The following LRP12 variants were observed in gnomAD, a reference collection of about 807,000 sequenced individuals.
The protein encoded by LRP12 is low-density lipoprotein receptor-related protein 12.
A neutral mutation model predicts 66.0 loss-of-function variants in LRP12; 14 were observed. The ratio of observed to expected loss-of-function variants is 0.21; its 90% confidence interval spans 0.14 to 0.33. The LOEUF is 0.33. Ranked by LOEUF, LRP12 falls within the 10% of genes least tolerant of loss-of-function variation. LRP12 has a pLI of 1.00. For missense variants in LRP12, 889 were observed against 1,053.4 expected (o/e 0.84, Z 2.16); for synonymous variants, 357 against 359.1 (o/e 0.99, Z 0.07).
chr8:104,577,675 G>A (rs181997757), intron 1 of LRP12, among the ~76,000 whole-genome samples: 38 of 152,122 alleles, frequency 2.5e-4, no homozygotes, highest in Middle Eastern at 6.8e-3. Context: ...GCTGGGCGTG[G>A]TGGTGGGCAC....
chr8:104,561,221 C>T (rs1811902372), intron 1 of LRP12, among the ~76,000 whole-genome samples: 1 of 152,208 alleles, frequency 6.6e-6, no homozygotes, highest in Non-Finnish European at 1.5e-5. Context: ...AACCCTGCTA[C>T]AGAAGCTTGA....
chr8:104,531,845 GGC>G (rs1359112874), intron 2 of LRP12, 60 bp downstream of exon 2: 18 of 1,041,412 alleles, frequency 1.7e-5, no homozygotes, highest in Non-Finnish European at 2.3e-5. Flanking sequence ...GATACCAGGT[GGC>G]TTTCAATATT....
chr8:104,517,930 A>G (rs544164465), intron 2 of LRP12, among the ~76,000 whole-genome samples: 1 of 152,288 alleles, frequency 6.6e-6, no homozygotes, highest in South Asian at 2.1e-4. Context: ...TAACAAGTGA[A>G]TCATTCAATA....
intron 1 of LRP12, among the ~76,000 whole-genome samples, chr8:104,555,326 A>G (rs1031506457): frequency 6.6e-6 from 1 of 152,192 alleles, no homozygotes; most frequent in Non-Finnish European, 1.5e-5. Context: ...TTTCAATACC[A>G]ACATCGAAGG....
chr8:104,503,495 G>T (rs1810862288), intron 3 of LRP12, among the ~76,000 whole-genome samples: 1 of 151,902 alleles, frequency 6.6e-6, no homozygotes, highest in Admixed American at 6.6e-5. Flanking sequence ...ATGCTTCATA[G>T]TACTTTGTGT....
At chr8:104,539,078 T>C (rs570461846) in intron 1 of LRP12, among the ~76,000 whole-genome samples, 1 of 152,186 alleles carries the variant, frequency 6.6e-6, no homozygotes, top group South Asian at 2.1e-4. Context: ...AGTCCACAGA[T>C]TGAAAAAGGC....
At chr8:104,579,100 T>C (rs944437811) in intron 1 of LRP12, among the ~76,000 whole-genome samples, 2 of 151,818 alleles carry the variant, frequency 1.3e-5, no homozygotes, top group Non-Finnish European at 2.9e-5. Context: ...GCAAAAGAAA[T>C]AAATAAAGCG....
rs1289932630 is a variant in LRP12, at chr8:104,489,245, T to C, written c.*1428A>G. On this transcript the variant is annotated 3_prime_UTR_variant, in exon 7 of 7. Transcript: ENST00000276654. ...TAAAGAACAGCTTTGATTTAAAAAG[T>C]ACCTCAAGGCAATAAAAAAAATCAT... 6.6e-6 allele frequency: 1 copy of C among 152,534 alleles called. No individual in the cohort carries two copies. The highest frequency in any genetic ancestry group is 1.5e-5 in the Non-Finnish European group (1 of 67,970). 9.4% of individuals were successfully genotyped at this position (152,534 alleles called of 1,614,324 possible).
At chr8:104,568,349 C>T (rs1812035054) in intron 1 of LRP12, among the ~76,000 whole-genome samples, 1 of 151,954 alleles carries the variant, frequency 6.6e-6, no homozygotes, top group African/African-American at 2.4e-5. Flanking sequence ...CAGAGTAAAC[C>T]CCTATGACCT....
In LRP12 at chr8:104,499,486, C is replaced by T. The variant is rs765259259; in HGVS notation, c.306G>A (p.Arg102=). ...CTATTGTCAACCAGTCCAAATTGCA[C>T]CTTCTGGATCCTTGAATATCAAAAT... The part of the protein sequence containing the change: ...FQDFDIQGSR[R]CNLDWLTIET... The change falls in exon 4 of 7, where the codon AGG becomes AGA. Residue 102 remains arginine, a synonymous_variant. Transcript: ENST00000276654. The T allele has an allele frequency of 1.9e-6, 3 of 1,604,748 alleles. No homozygotes were observed. The highest frequency in any genetic ancestry group is 1.3e-5 in the African/African-American group (1 of 74,350).
In LRP12 at chr8:104,548,183, AAT is replaced by A. The variant is rs1488264048; in HGVS notation, c.80-16222_80-16221del. ...AATTATTATATATAATATAATATAT[AAT>A]ATATATATAAATATATGATATATTT... On this transcript the variant is annotated intron_variant, in intron 1 of 6. Coordinates refer to ENST00000276654, the MANE Select transcript of LRP12 (RefSeq NM_013437.5). Among the ~76,000 whole-genome samples the A allele has an allele frequency of 1.7e-3, 159 of 95,556 alleles. 3 individuals are homozygous for A. The highest frequency in any genetic ancestry group is 8.9e-3 in the East Asian group (35 of 3,946). 62.7% of individuals were successfully genotyped at this position (95,556 alleles called of 152,430 possible).
chr8:104,526,152 C>T (rs1021578647), intron 2 of LRP12, among the ~76,000 whole-genome samples: 11 of 151,952 alleles, frequency 7.2e-5, no homozygotes, highest in Middle Eastern at 3.4e-3. Flanking sequence ...TCAAGGAGAA[C>T]TACAAACCAC....
At chr8:104,542,502 A>T (rs949796914) in intron 1 of LRP12, among the ~76,000 whole-genome samples, 1 of 152,140 alleles carries the variant, frequency 6.6e-6, no homozygotes, top group African/African-American at 2.4e-5. Flanking sequence ...TTTAATTTTC[A>T]GGACAGTCTA....
At chr8:104,582,518 T>C (rs1382257036) in intron 1 of LRP12, among the ~76,000 whole-genome samples, 1 of 152,190 alleles carries the variant, frequency 6.6e-6, no homozygotes, top group African/African-American at 2.4e-5. Flanking sequence ...AGCATTTAAC[T>C]TTGGCAAAAA....
intron 1 of LRP12, among the ~76,000 whole-genome samples, chr8:104,546,353 A>G (rs7815209): frequency 0.071 from 10,850 of 152,174 alleles, 1,094 homozygotes; most frequent in African/African-American, 0.23. Context: ...TCAAGACACA[A>G]AACATTTCCA....
chr8:104,548,278 AT>A (rs1811647353), intron 1 of LRP12, among the ~76,000 whole-genome samples: 1 of 91,290 alleles, frequency 1.1e-5, no homozygotes, highest in Non-Finnish European at 1.8e-5. Context: ...TATATATTAT[AT>A]TAATATATCA....
At position 104,588,965 on chromosome 8, in the gene LRP12, C is replaced by G. The variant is rs878946080; in HGVS notation, c.-68G>C. The G allele has an allele frequency of 7.7e-6, 6 of 782,326 alleles. No individual in the cohort carries two copies. The South Asian group carries it at 1.3e-4, about 17-fold the overall frequency. The allele number at this position is 782,326 out of a possible 1,614,324, so 48.5% of individuals were successfully genotyped here. On this transcript the variant is annotated 5_prime_UTR_variant, in exon 1 of 7. Transcript: ENST00000276654. ...GGGAGGAGAAGCTGGAGGTAGACGA[C>G]GCCGACGCCGCCGCCGCCGCCGCCG...
At chr8:104,502,630 C>T (rs1438446404) in intron 3 of LRP12, among the ~76,000 whole-genome samples, 2 of 152,168 alleles carry the variant, frequency 1.3e-5, no homozygotes, top group Non-Finnish European at 2.9e-5. Context: ...GCCTATCTCA[C>T]GAAGTGTGGT....
At chr8:104,553,931 C>T (rs1354619647) in intron 1 of LRP12, among the ~76,000 whole-genome samples, 4 of 152,176 alleles carry the variant, frequency 2.6e-5, no homozygotes, top group African/African-American at 7.2e-5. Flanking sequence ...AGCTGAGAGA[C>T]CTGAAGATGG....
Sources: allele counts gnomAD v4.1 joint callset (sites outside exome capture counted in the v4.1 genomes callset), GRCh38; gene constraint gnomAD v4.1.1; transcripts MANE v1.5; gene names NCBI Gene and HGNC (gene_info 2026-07-23, HGNC 2026-07-21).